Variants in MET observed in about 807,000 individuals in gnomAD.
The protein encoded by MET is MET proto-oncogene, receptor tyrosine kinase.
Under a neutral mutation model 133.1 loss-of-function variants are expected in MET, and 48 were observed. The observed-to-expected ratio is 0.36, with a 90% confidence interval of 0.29 to 0.46. The LOEUF (loss-of-function observed/expected upper bound fraction) is 0.46, where lower values mean the gene tolerates loss of function less well. Among genes scored for constraint, MET ranks in the 20% least tolerant of loss-of-function variants. The pLI is 1.00. For missense variants in MET, 1,442 were observed against 1,695.9 expected, an observed-to-expected ratio of 0.85 and a Z score of 2.63; for synonymous variants, 628 against 616.5, an observed-to-expected ratio of 1.02 and a Z score of -0.28.
intron 2 of MET, among the ~76,000 whole-genome samples, chr7:116,728,671 C>T (rs948245874): frequency 6.6e-6 from 1 of 152,148 alleles, no homozygotes; most frequent in East Asian, 1.9e-4. Context: ...TGCAGATGCA[C>T]TAATTTTTCA....
At chr7:116,722,677 G>A (rs1322059884) in intron 2 of MET, among the ~76,000 whole-genome samples, 6 of 138,774 alleles carry the variant, frequency 4.3e-5, no homozygotes, top group Admixed American at 7.2e-5. Flanking sequence ...GGCAGGCCTG[G>A]TGGTGACAAA....
At chr7:116,794,656 G>A (rs1795615781) in intron 19 of MET, among the ~76,000 whole-genome samples, 1 of 152,170 alleles carries the variant, frequency 6.6e-6, no homozygotes, top group Non-Finnish European at 1.5e-5. Flanking sequence ...GTCTGGTGTG[G>A]ATTTTCCTTC....
At chr7:116,741,217 C>G (rs1793441066) in intron 5 of MET, 192 bp downstream of exon 5, 1 of 657,124 alleles carries the variant, frequency 1.5e-6, no homozygotes, top group African/African-American at 1.8e-5. Context: ...ATCCCTCGGG[C>G]AGGGAGGGGG....
At chr7:116,721,115 C>T (rs1366271957) in intron 2 of MET, among the ~76,000 whole-genome samples, 1 of 152,152 alleles carries the variant, frequency 6.6e-6, no homozygotes, top group African/African-American at 2.4e-5. Flanking sequence ...CCATCTGGTC[C>T]TGGACTCTTT....
At chr7:116,706,615 C>T (rs1791805298) in intron 2 of MET, among the ~76,000 whole-genome samples, 1 of 152,066 alleles carries the variant, frequency 6.6e-6, no homozygotes, top group Admixed American at 6.6e-5. Flanking sequence ...GTGGCCATCC[C>T]ACCCTATGTT....
intron 2 of MET, among the ~76,000 whole-genome samples, chr7:116,723,742 G>A (rs1016390434): frequency 1.6e-4 from 24 of 152,204 alleles, no homozygotes; most frequent in Non-Finnish European, 2.6e-4. Context: ...GTACCCTGCC[G>A]TGTGAGGTGT....
chr7:116,757,418 CTT>C lies in MET; in HGVS notation c.1863-17_1863-16del. On this transcript the variant is annotated splice_polypyrimidine_tract_variant and intron_variant, in intron 6 of 20. Transcript: ENST00000397752. Reference sequence around the variant, plus strand: ...TTCCTTGGATTTGTCATGTATTAAACTTTGGGTTTTTTTTCCAGATTGAAATG... The same window carrying C: ...TTCCTTGGATTTGTCATGTATTAAACTGGGTTTTTTTTCCAGATTGAAATG... 6.2e-7 allele frequency: 1 copy of C among 1,603,124 alleles called. No individual in the cohort carries two copies. Among genetic ancestry groups the C allele is most frequent in the Non-Finnish European group, 8.5e-7 (1 of 1,171,560 alleles).
At chr7:116,688,865 T>G (rs1184992839) in intron 1 of MET, among the ~76,000 whole-genome samples, 1 of 152,134 alleles carries the variant, frequency 6.6e-6, no homozygotes, top group Non-Finnish European at 1.5e-5. Flanking sequence ...TAAGAGGGGA[T>G]GCAAAAACAG....
At chr7:116,724,925 G>A (rs971457482) in intron 2 of MET, 1 of 1,161,106 alleles carries the variant, frequency 8.6e-7, no homozygotes, top group Admixed American at 2.5e-5. Flanking sequence ...TTTGTAAAAT[G>A]CTTAGAACTG....
chr7:116,747,133 G>A (rs1020266851), intron 5 of MET, among the ~76,000 whole-genome samples: 1 of 152,098 alleles, frequency 6.6e-6, no homozygotes, highest in Non-Finnish European at 1.5e-5. Context: ...AAGAGCTCCT[G>A]AAGGAAGCAC....
chr7:116,775,539 A>T (rs955765721), intron 15 of MET, among the ~76,000 whole-genome samples: 3 of 152,102 alleles, frequency 2.0e-5, no homozygotes, highest in African/African-American at 7.2e-5. Flanking sequence ...CCCCGTCTCT[A>T]CTAAAAAAAT....
At chr7:116,756,012 C>T (rs575007643) in intron 6 of MET, among the ~76,000 whole-genome samples, 4 of 152,316 alleles carry the variant, frequency 2.6e-5, no homozygotes, top group Non-Finnish European at 5.9e-5. Context: ...CTTATATTTA[C>T]TGGCACTGCA....
At chr7:116,680,094 T>C (rs911602682) in intron 1 of MET, among the ~76,000 whole-genome samples, 1 of 146,162 alleles carries the variant, frequency 6.8e-6, no homozygotes, top group Non-Finnish European at 1.5e-5. Flanking sequence ...GGCGGGGGGG[T>C]AAAAGGAAAA....
At position 116,726,887 on chromosome 7, in the gene MET, T is replaced by C. The variant is rs148858964; in HGVS notation, c.1201-4781T>C. Among the ~76,000 whole-genome samples, 270 of 152,256 alleles carry C rather than the reference T, an allele frequency of 1.8e-3. 2 individuals carry two copies. The highest frequency in any genetic ancestry group is 6.2e-3 in the African/African-American group (257 of 41,538). ...GACCAGAAGGCCAGTGAGGAAGCAC[T>C]TAGGCTGGGCCAGGGGTACAGGTGT... On this transcript the variant is annotated intron_variant, in intron 2 of 20. Transcript: ENST00000397752.
chr7:116,694,811 C>G (rs1796903855), intron 1 of MET, among the ~76,000 whole-genome samples: 1 of 152,118 alleles, frequency 6.6e-6, no homozygotes, highest in Non-Finnish European at 1.5e-5. Context: ...CTCAGCCTCC[C>G]AAGTAGCTGG....
rs770065936 is a variant in MET at position 116,774,993 on chromosome 7, G to A, written c.3141G>A (p.Leu1047=). The change falls in exon 15 of 21, where the codon CTG becomes CTA. Residue 1047 remains leucine, a synonymous_variant. Coordinates refer to ENST00000397752, the MANE Select transcript of MET (RefSeq NM_000245.4). ...ACTCTGATATATCCAGTCCATTACTGCAAAATACTGTCCACATTGACCTCA... is the reference window on the plus strand; with the variant it reads ...ACTCTGATATATCCAGTCCATTACTACAAAATACTGTCCACATTGACCTCA... ...SGDSDISSPL[L]QNTVHIDLSA... The A allele has an allele frequency of 1.2e-6, 2 of 1,614,130 alleles. No homozygotes were observed. Among genetic ancestry groups the A allele is most frequent in the South Asian group, 2.2e-5 (2 of 91,080 alleles).
At chr7:116,736,593 G>A (rs1476422089) in intron 3 of MET, among the ~76,000 whole-genome samples, 2 of 152,096 alleles carry the variant, frequency 1.3e-5, no homozygotes, top group African/African-American at 4.8e-5. Flanking sequence ...AGATTTGGGG[G>A]CCTAGCCACA....
At chr7:116,679,871 G>T (rs1383446554) in intron 1 of MET, among the ~76,000 whole-genome samples, 1 of 152,152 alleles carries the variant, frequency 6.6e-6, no homozygotes, top group East Asian at 1.9e-4. Context: ...CATGATTAAA[G>T]AATGGCTGCT....
chr7:116,679,222 T>C (rs1364840261), intron 1 of MET, among the ~76,000 whole-genome samples: 1 of 152,142 alleles, frequency 6.6e-6, no homozygotes, highest in African/African-American at 2.4e-5. Flanking sequence ...AATGACTCTT[T>C]CTTCTGCCCA....
Sources: gnomAD v4.1 joint callset for allele counts (sites outside exome capture counted in the v4.1 genomes callset) on GRCh38, gnomAD v4.1.1 for gene constraint, MANE v1.5 for transcripts, NCBI Gene and HGNC (gene_info 2026-07-23, HGNC 2026-07-21) for gene names.